The following MANBAL variants were observed in gnomAD, a reference collection of about 807,000 sequenced individuals.
The protein encoded by MANBAL is mannosidase beta like.
A neutral mutation model predicts 6.4 loss-of-function variants in MANBAL; 1 was observed. The observed-to-expected ratio is 0.16, with a 90% CI of 0.06 to 0.74. The LOEUF is 0.74. Among genes scored for constraint, MANBAL ranks in the 30% least tolerant of loss-of-function variants. MANBAL has a pLI of 0.78. For missense variants in MANBAL, 100 were observed against 107.8 expected (o/e 0.93, Z 0.32); for synonymous variants, 47 against 45.8 (o/e 1.03, Z -0.10).
intron 1 of MANBAL, among the ~76,000 whole-genome samples, 194 bp downstream of exon 1, chr20:37,289,880 G>A (rs2068824232): frequency 6.6e-6 from 1 of 152,244 alleles, no homozygotes; most frequent in Non-Finnish European, 1.5e-5. Context: ...GAGCCCCCCG[G>A]GAGGCGGAGG....
chr20:37,305,400 C>G (rs1017911420), intron 2 of MANBAL, among the ~76,000 whole-genome samples: 2 of 152,116 alleles, frequency 1.3e-5, no homozygotes, highest in African/African-American at 4.8e-5. Context: ...TGGGTTAGTT[C>G]AGCAAACTTC....
intron 1 of MANBAL, among the ~76,000 whole-genome samples, chr20:37,295,190 C>T (rs908520597): frequency 5.3e-5 from 8 of 152,046 alleles, no homozygotes; most frequent in African/African-American, 1.9e-4. Flanking sequence ...CTCTTGCTTT[C>T]GAGGTGGGAA....
intron 1 of MANBAL, 109 bp downstream of exon 1, chr20:37,289,795 C>G (rs539612979): frequency 6.6e-6 from 1 of 152,294 alleles, no homozygotes; most frequent in Non-Finnish European, 1.5e-5. Context: ...CTTGGTGGGC[C>G]CGGCTGTCGC....
At chr20:37,303,255 C>G (rs1353649349) in intron 2 of MANBAL, among the ~76,000 whole-genome samples, 1 of 152,192 alleles carries the variant, frequency 6.6e-6, no homozygotes, top group East Asian at 1.9e-4. Flanking sequence ...TGGAATCAGT[C>G]ATTTCTCTAA....
chr20:37,296,519 T>C (rs953229395), intron 1 of MANBAL, among the ~76,000 whole-genome samples: 8 of 152,224 alleles, frequency 5.3e-5, no homozygotes, highest in Non-Finnish European at 7.3e-5. Context: ...ACAATGTTTA[T>C]ATTTGCCGGG....
At chr20:37,302,365 G>C in intron 2 of MANBAL, 1 of 1,549,434 alleles carries the variant, frequency 6.5e-7, no homozygotes, top group Non-Finnish European at 8.7e-7. Flanking sequence ...TCCCTACTGT[G>C]TGGCATCAAC....
intron 1 of MANBAL, among the ~76,000 whole-genome samples, chr20:37,289,903 G>A (rs898465790): frequency 1.3e-5 from 2 of 152,232 alleles, no homozygotes; most frequent in African/African-American, 4.8e-5. Context: ...CTCGCCTGGG[G>A]CAGCCCTGCG....
chr20:37,297,353 A>G (rs780002337), intron 1 of MANBAL: 3 of 152,150 alleles, frequency 2.0e-5, no homozygotes, highest in Non-Finnish European at 2.9e-5. Flanking sequence ...CCAGAAGTCA[A>G]ATCCTTCCTG....
In MANBAL at chr20:37,316,435, T is replaced by C. The variant is rs11905967; in HGVS notation, c.*20T>C. The C allele has an allele frequency of 1.2e-3, 1,912 of 1,605,656 alleles. 21 individuals carry two copies. In the African/African-American group the frequency reaches 0.023, roughly 19 times the overall value. On this transcript the variant is annotated 3_prime_UTR_variant, in exon 3 of 3. Transcript: ENST00000373606. Reference sequence around the variant, plus strand: ...CGGTAGAAGAGGAGGCCTGAGGAGCTGGGCGGGCAGGGAGAGGGTCTTGGG... The same window carrying C: ...CGGTAGAAGAGGAGGCCTGAGGAGCCGGGCGGGCAGGGAGAGGGTCTTGGG...
At chr20:37,312,708 C>T (rs2069415190) in intron 2 of MANBAL, among the ~76,000 whole-genome samples, 1 of 152,218 alleles carries the variant, frequency 6.6e-6, no homozygotes, top group South Asian at 2.1e-4. Context: ...TTTACAGACA[C>T]AGTCATAGCG....
At chr20:37,310,174 C>T (rs1017805855) in intron 2 of MANBAL, among the ~76,000 whole-genome samples, 18 of 152,210 alleles carry the variant, frequency 1.2e-4, no homozygotes, top group African/African-American at 4.3e-4. Context: ...GCCTGCCAAG[C>T]GCATCCTGGA....
chr20:37,293,591 G>A (rs1223573762), intron 1 of MANBAL, among the ~76,000 whole-genome samples: 1 of 152,152 alleles, frequency 6.6e-6, no homozygotes, highest in African/African-American at 2.4e-5. Context: ...CTGTGGCCTG[G>A]GGGTTGGGGA....
rs1293287330 is a variant in MANBAL, at chr20:37,316,313, TGAA to T, written c.157_159del (p.Glu53del). ...TCCTTTTTATCACCTCACAGGAGGC[TGAA>T]CCGTCTGAGCCCAGAAGTGCTGAGG... On this transcript the variant is annotated inframe_deletion, in exon 3 of 3. Transcript: ENST00000373606. 1.2e-6 allele frequency: 2 copies of T among 1,613,400 alleles called. No homozygotes were observed. Among genetic ancestry groups the T allele is most frequent in the Non-Finnish European group, 1.7e-6 (2 of 1,179,664 alleles).
At chr20:37,292,740 TC>T (rs2068901456) in intron 1 of MANBAL, among the ~76,000 whole-genome samples, 1 of 152,208 alleles carries the variant, frequency 6.6e-6, no homozygotes, top group South Asian at 2.1e-4. Context: ...CTTTGACATA[TC>T]CCCCTCTATA....
chr20:37,301,613 A>G (rs2069138306), intron 2 of MANBAL, among the ~76,000 whole-genome samples, 200 bp downstream of exon 2: 1 of 152,202 alleles, frequency 6.6e-6, no homozygotes, highest in Admixed American at 6.5e-5. Flanking sequence ...GGAGATTTTT[A>G]TTTAGTGCCT....
chr20:37,315,542 G>A (rs1032784585), intron 2 of MANBAL, among the ~76,000 whole-genome samples: 11 of 152,228 alleles, frequency 7.2e-5, no homozygotes, highest in East Asian at 3.8e-4. Context: ...TCAACCTTTC[G>A]TTCCTTAGCA....
intron 1 of MANBAL, chr20:37,297,077 A>C (rs761463877): frequency 6.6e-6 from 1 of 152,226 alleles, no homozygotes; most frequent in African/African-American, 2.4e-5. Flanking sequence ...TGCACACTTT[A>C]TGAGGTGCAA....
intron 2 of MANBAL, among the ~76,000 whole-genome samples, chr20:37,307,923 C>T (rs903386796): frequency 3.3e-5 from 5 of 152,138 alleles, no homozygotes; most frequent in Admixed American, 2.6e-4. Context: ...TGAGAAGGTG[C>T]GGGTGCTGTC....
At chr20:37,303,985 G>C (rs1461924513) in intron 2 of MANBAL, among the ~76,000 whole-genome samples, 1 of 152,212 alleles carries the variant, frequency 6.6e-6, no homozygotes, top group Non-Finnish European at 1.5e-5. Flanking sequence ...CCAGATGCCA[G>C]TCAAGGGCCA....
Sources: allele counts gnomAD v4.1 joint callset (sites outside exome capture counted in the v4.1 genomes callset), GRCh38; gene constraint gnomAD v4.1.1; transcripts MANE v1.5; gene names NCBI Gene and HGNC (gene_info 2026-07-23, HGNC 2026-07-21).